The following AFAP1 variants were observed in gnomAD, a reference collection of about 807,000 sequenced individuals.
The protein encoded by AFAP1 is actin filament-associated protein 1.
In AFAP1, 75 loss-of-function variants were observed where a neutral mutation model predicts 93.9. The observed-to-expected ratio is 0.80, with a 90% CI of 0.66 to 0.97. AFAP1 has a LOEUF of 0.97. Ranked by LOEUF, AFAP1 falls within the 50% of genes least tolerant of loss-of-function variation. The probability of loss-of-function intolerance (pLI) is 0.00; values close to 1 mark genes in which losing one functional copy is unlikely to be tolerated. For missense variants in AFAP1, 1,201 were observed against 1,050.8 expected (o/e 1.14, Z -1.98); for synonymous variants, 517 against 430.7 (o/e 1.20, Z -2.48).
In AFAP1 at chr4:7,793,718, A is replaced by T. The variant is rs1173129490; in HGVS notation, c.1375T>A (p.Ser459Thr). ...LHYDYIDVEM[S>T]ASVIQTAKQT... ...TTGGCTGTCTGAATGACACTTGCAG[A>T]CATCTCCACATCAATGTAGTCATAG... Residue 459 changes from serine to threonine, a missense_variant, in exon 11 of 18, where the codon TCT becomes ACT. Ser to Thr is a moderately conservative substitution (Grantham distance 58, BLOSUM62 1). Coordinates refer to ENST00000420658, the MANE Select transcript of AFAP1 (RefSeq NM_001134647.2). The T allele has an allele frequency of 6.4e-7, 1 of 1,574,694 alleles. No homozygotes were observed. The highest frequency in any genetic ancestry group is 1.3e-5 in the African/African-American group (1 of 74,612).
intron 1 of AFAP1, among the ~76,000 whole-genome samples, chr4:7,875,649 C>T (rs1344861235): frequency 3.6e-5 from 5 of 139,062 alleles, no homozygotes; most frequent in African/African-American, 1.4e-4. Flanking sequence ...GGGGGCGGGA[C>T]GGGGGGCTGA....
chr4:7,850,543 G>T (rs1381534589), intron 4 of AFAP1, among the ~76,000 whole-genome samples: 1 of 152,234 alleles, frequency 6.6e-6, no homozygotes, highest in Non-Finnish European at 1.5e-5. Flanking sequence ...CTATGTCACC[G>T]TAGCTAACTG....
At chr4:7,794,013 G>A (rs575908058) in intron 10 of AFAP1, among the ~76,000 whole-genome samples, 187 bp from the exon 11 acceptor site, 1 of 152,320 alleles carries the variant, frequency 6.6e-6, no homozygotes, top group Admixed American at 6.5e-5. Flanking sequence ...AATTTAGGAA[G>A]TGTCATCCCG....
At chr4:7,855,982 C>G (rs1234948863) in intron 3 of AFAP1, among the ~76,000 whole-genome samples, 1 of 152,200 alleles carries the variant, frequency 6.6e-6, no homozygotes, top group African/African-American at 2.4e-5. Context: ...GCCTCAGACG[C>G]AGACTCTGGG....
At chr4:7,932,994 T>C (rs1577370721) in intron 1 of AFAP1, among the ~76,000 whole-genome samples, 1 of 105,188 alleles carries the variant, frequency 9.5e-6, no homozygotes, top group African/African-American at 3.8e-5. Context: ...CACTCCAGCC[T>C]GGGCAACAGA....
intron 4 of AFAP1, among the ~76,000 whole-genome samples, chr4:7,850,244 T>TGTG (rs1714282694): frequency 6.6e-6 from 1 of 152,180 alleles, no homozygotes; most frequent in Non-Finnish European, 1.5e-5. Flanking sequence ...ACAAGATAGC[T>TGTG]CCCTGTGAAC....
intron 9 of AFAP1, among the ~76,000 whole-genome samples, chr4:7,808,793 A>C (rs967172703): frequency 6.6e-6 from 1 of 152,052 alleles, no homozygotes; most frequent in Non-Finnish European, 1.5e-5. Context: ...GGTTCCTGCG[A>C]GATCTGATGG....
At chr4:7,860,158 G>C (rs1209633241) in intron 3 of AFAP1, among the ~76,000 whole-genome samples, 5 of 152,060 alleles carry the variant, frequency 3.3e-5, no homozygotes, top group African/African-American at 9.7e-5. Context: ...ATAATTGTTT[G>C]TAAAATGATA....
intron 3 of AFAP1, among the ~76,000 whole-genome samples, chr4:7,859,348 G>A (rs1393051508): frequency 3.9e-5 from 6 of 152,112 alleles, no homozygotes; most frequent in Admixed American, 2.6e-4. Flanking sequence ...AAACCCGGGA[G>A]GCAGAGGCTG....
chr4:7,763,095 TA>T lies in AFAP1; in HGVS notation c.*669del, dbSNP rs780534619. On this transcript the variant is annotated 3_prime_UTR_variant, in exon 18 of 18. Transcript: ENST00000420658. ...GTGACACACAGTAAAAAGACATTCC[TA>T]AAAAACAGGTTAAGAAGAATGGCAG... 6.6e-6 allele frequency: 1 copy of T among 152,498 alleles called. No homozygotes were observed. Among genetic ancestry groups the T allele is most frequent in the African/African-American group, 2.4e-5 (1 of 41,404 alleles). 9.4% of individuals were successfully genotyped at this position (152,498 alleles called of 1,614,324 possible).
At chr4:7,828,212 G>T (rs1721604782) in intron 6 of AFAP1, among the ~76,000 whole-genome samples, 1 of 152,138 alleles carries the variant, frequency 6.6e-6, no homozygotes, top group South Asian at 2.1e-4. Flanking sequence ...AGGGCTGCTT[G>T]AAACCACAAG....
intron 11 of AFAP1, among the ~76,000 whole-genome samples, chr4:7,789,946 T>C (rs1037068675): frequency 6.6e-5 from 10 of 152,226 alleles, no homozygotes; most frequent in African/African-American, 1.7e-4. Flanking sequence ...TATGTTTCGA[T>C]TGTTTACCAT....
Position 7,809,751 on chromosome 4 carries a change from T to G in AFAP1, c.917A>C (p.Lys306Thr), listed in dbSNP as rs771476701. 1.9e-6 allele frequency: 3 copies of G among 1,613,664 alleles called. No homozygotes were observed. The highest frequency in any genetic ancestry group is 2.5e-6 in the Non-Finnish European group (3 of 1,179,876). The change falls in exon 9 of 18, where the codon AAA becomes ACA. Residue 306 changes from lysine (K) to threonine (T), a missense_variant. Transcript: ENST00000420658. ...CNGKEQVKRKKSSKSEAKGTV... is the reference protein window; with the variant it reads ...CNGKEQVKRKTSSKSEAKGTV... ...GCCCTTGGCCTCTGATTTGGAACTT[T>G]TCTTCCTCTTCACTGTCAAGAGTAA...
chr4:7,870,685 T>G (rs969593445), intron 2 of AFAP1, among the ~76,000 whole-genome samples: 1 of 152,066 alleles, frequency 6.6e-6, no homozygotes, highest in Non-Finnish European at 1.5e-5. Flanking sequence ...ATATTTCATA[T>G]TACCCCAGAA....
intron 1 of AFAP1, among the ~76,000 whole-genome samples, chr4:7,892,867 A>G (rs1225540773): frequency 1.3e-5 from 2 of 152,130 alleles, no homozygotes; most frequent in African/African-American, 2.4e-5. Context: ...GGGGGATCCT[A>G]TAGGAAAAAG....
intron 1 of AFAP1, among the ~76,000 whole-genome samples, chr4:7,876,677 C>T (rs571349813): frequency 1.1e-4 from 17 of 152,288 alleles, no homozygotes; most frequent in African/African-American, 2.6e-4. Flanking sequence ...GTTAGCTACT[C>T]GGAAAACTGG....
chr4:7,890,504 GA>G (rs1718407027), intron 1 of AFAP1, among the ~76,000 whole-genome samples: 1 of 152,012 alleles, frequency 6.6e-6, no homozygotes, highest in South Asian at 2.1e-4. Context: ...TAATATATAA[GA>G]AAAAAATAAA....
chr4:7,881,457 A>C (rs1021069224), intron 1 of AFAP1, among the ~76,000 whole-genome samples: 13 of 151,392 alleles, frequency 8.6e-5, no homozygotes, highest in African/African-American at 2.9e-4. Flanking sequence ...AATGCCACTC[A>C]TTTGGCCCTC....
At chr4:7,870,767 A>C (rs546036135) in intron 2 of AFAP1, among the ~76,000 whole-genome samples, 1 of 152,266 alleles carries the variant, frequency 6.6e-6, no homozygotes, top group South Asian at 2.1e-4. Context: ...CAAGCCACCC[A>C]CGTTCAAACT....
Sources: gnomAD v4.1 joint callset for allele counts (sites outside exome capture counted in the v4.1 genomes callset) on GRCh38, gnomAD v4.1.1 for gene constraint, MANE v1.5 for transcripts, NCBI Gene and HGNC (gene_info 2026-07-23, HGNC 2026-07-21) for gene names.